UBE2B: variants seen among roughly 807,000 people sequenced by gnomAD.
UBE2B encodes the protein ubiquitin-conjugating enzyme E2 B.
UBE2B carries 11 observed loss-of-function variants against 24.6 expected under a neutral mutation model. The observed-to-expected ratio is 0.45, with a 90% CI of 0.28 to 0.74. The LOEUF (loss-of-function observed/expected upper bound fraction) is 0.74. UBE2B is among the 30% of genes least tolerant of loss of function. The pLI, the probability that UBE2B is intolerant of heterozygous loss-of-function variation, is 0.13. For missense variants in UBE2B, 78 were observed against 185.6 expected (o/e 0.42, Z 3.37); for synonymous variants, 68 against 62.4 (o/e 1.09, Z -0.42).
intron 4 of UBE2B, among the ~76,000 whole-genome samples, chr5:134,383,596 C>G (rs1484124297): frequency 2.0e-5 from 3 of 147,948 alleles, no homozygotes; most frequent in Non-Finnish European, 3.0e-5. Context: ...GATTCTCTTG[C>G]CTCAGCCTCC....
chr5:134,385,788 T>C (rs1581325603), intron 4 of UBE2B, among the ~76,000 whole-genome samples: 1 of 150,800 alleles, frequency 6.6e-6, no homozygotes, highest in South Asian at 2.1e-4. Flanking sequence ...CTGAGGCAGG[T>C]GGATCACGAG....
chr5:134,373,746 G>A (rs1482958576), intron 1 of UBE2B, among the ~76,000 whole-genome samples: 1 of 152,016 alleles, frequency 6.6e-6, no homozygotes, highest in Non-Finnish European at 1.5e-5. Flanking sequence ...TTGGTTTTTT[G>A]TCCTTGCGGT....
Position 134,374,480 on chromosome 5 carries a change from A to G in UBE2B, c.125+17A>G. Reference sequence around the variant, plus strand: ...TATATTTGGGTGAGTTGAAAGGTTTAACAAATAATAGGTGTGTGCTGAATC... The same window carrying G: ...TATATTTGGGTGAGTTGAAAGGTTTGACAAATAATAGGTGTGTGCTGAATC... On this transcript the variant is annotated intron_variant, in intron 2 of 5. Coordinates refer to ENST00000265339, the MANE Select transcript of UBE2B (RefSeq NM_003337.4). 6.4e-7 allele frequency: 1 copy of G among 1,551,494 alleles called. No individual in the cohort carries two copies. The highest frequency in any genetic ancestry group is 8.7e-7 in the Non-Finnish European group (1 of 1,146,628).
intron 5 of UBE2B, among the ~76,000 whole-genome samples, chr5:134,389,551 C>CT (rs985767264): frequency 0.031 from 4,381 of 139,416 alleles, 205 homozygotes; most frequent in African/African-American, 0.1. Flanking sequence ...TTTCTTTTTT[C>CT]TTTTTTTTTT....
intron 1 of UBE2B, among the ~76,000 whole-genome samples, chr5:134,372,323 G>A (rs957156042): frequency 6.6e-6 from 1 of 152,178 alleles, no homozygotes. Flanking sequence ...ATAGCCTCCC[G>A]AGTCTGGAAA....
chr5:134,376,364 T>TATATATATATACAC (rs70976528), intron 2 of UBE2B, among the ~76,000 whole-genome samples: 1 of 79,504 alleles, frequency 1.3e-5, no homozygotes, highest in African/African-American at 5.2e-5. Flanking sequence ...TATATATATA[T>TATATATATATACAC]ACACATATGT....
chr5:134,380,692 A>C (rs1224597592), intron 3 of UBE2B, 27 bp from the exon 4 acceptor site: 2 of 1,321,276 alleles, frequency 1.5e-6, no homozygotes, highest in Non-Finnish European at 2.2e-6. Context: ...GCTTGTCTTT[A>C]CTATAATTAT....
chr5:134,375,279 A>G lies in UBE2B; in HGVS notation c.125+816A>G, dbSNP rs35107813. Among the ~76,000 whole-genome samples the G allele has an allele frequency of 9.5e-3, 1,451 of 152,270 alleles. 13 individuals are homozygous for G. The highest frequency in any genetic ancestry group is 0.031 in the African/African-American group (1,287 of 41,548). On this transcript the variant is annotated intron_variant, in intron 2 of 5. Transcript: ENST00000265339. ...CAGTTGTAAATTTTACCTACTATGT[A>G]TATTGCGTATATGCTTTTTAATTTA...
In UBE2B at chr5:134,374,410, C is replaced by T. The variant is rs1441327294; in HGVS notation, c.72C>T (p.Val24=). ...KRLQEDPPVG[V]SGAPSENNIM... Reference sequence around the variant, plus strand: ...TACAAGAGGACCCACCTGTGGGTGTCAGTGGCGCACCATCTGAAAACAACA... The same window carrying T: ...TACAAGAGGACCCACCTGTGGGTGTTAGTGGCGCACCATCTGAAAACAACA... Residue 24 remains valine, a synonymous_variant, in exon 2 of 6, where the codon GTC becomes GTT. Coordinates refer to ENST00000265339, the MANE Select transcript of UBE2B (RefSeq NM_003337.4). 6.4e-7 allele frequency: 1 copy of T among 1,556,468 alleles called. No homozygotes were observed. Among genetic ancestry groups the T allele is most frequent in the Non-Finnish European group, 8.7e-7 (1 of 1,149,038 alleles).
chr5:134,383,317 T>C (rs183328906), intron 4 of UBE2B, among the ~76,000 whole-genome samples: 213 of 152,216 alleles, frequency 1.4e-3, no homozygotes, highest in African/African-American at 4.9e-3. Flanking sequence ...CTTAAAAATT[T>C]TTTTGTTGTT....
At chr5:134,373,483 T>C (rs328044) in intron 1 of UBE2B, among the ~76,000 whole-genome samples, 1 of 152,148 alleles carries the variant, frequency 6.6e-6, no homozygotes, top group Non-Finnish European at 1.5e-5. Flanking sequence ...TCTTTTTTTT[T>C]AAATATATTT....
chr5:134,380,990 G>T, intron 4 of UBE2B, among the ~76,000 whole-genome samples, 182 bp downstream of exon 4: 1 of 98,294 alleles, frequency 1.0e-5, no homozygotes. Context: ...TTTTTGAGAC[G>T]GAGTCTCGCT....
intron 2 of UBE2B, 165 bp downstream of exon 2, chr5:134,374,628 C>G: frequency 3.8e-6 from 3 of 789,070 alleles, no homozygotes; most frequent in Non-Finnish European, 6.1e-6. Flanking sequence ...GAGTTTTGGC[C>G]CAGCACAGTA....
At chr5:134,383,754 C>T (rs1758752858) in intron 4 of UBE2B, among the ~76,000 whole-genome samples, 1 of 152,066 alleles carries the variant, frequency 6.6e-6, no homozygotes, top group Admixed American at 6.6e-5. Context: ...GCCACCGTGC[C>T]CGGCCTCAAA....
chr5:134,381,839 G>A (rs1472390277), intron 4 of UBE2B, among the ~76,000 whole-genome samples: 1 of 152,212 alleles, frequency 6.6e-6, no homozygotes, highest in Non-Finnish European at 1.5e-5. Context: ...AGCTACTCAG[G>A]AGGCTGAGAC....
chr5:134,383,203 A>C (rs1488318121), intron 4 of UBE2B, among the ~76,000 whole-genome samples: 1 of 152,126 alleles, frequency 6.6e-6, no homozygotes. Context: ...TTAATGGCAA[A>C]ATGTTCTGTT....
chr5:134,372,269 G>A (rs1758471489), intron 1 of UBE2B, among the ~76,000 whole-genome samples: 1 of 152,190 alleles, frequency 6.6e-6, no homozygotes, highest in African/African-American at 2.4e-5. Context: ...GGCTGCCAGT[G>A]CTTTCTGGAA....
At chr5:134,382,325 C>G (rs1758721723) in intron 4 of UBE2B, among the ~76,000 whole-genome samples, 2 of 151,892 alleles carry the variant, frequency 1.3e-5, no homozygotes, top group African/African-American at 4.8e-5. Flanking sequence ...TGGTGGCGCA[C>G]ACCTGTAGTC....
intron 4 of UBE2B, among the ~76,000 whole-genome samples, chr5:134,384,471 A>G (rs953863525): frequency 2.6e-5 from 4 of 151,616 alleles, no homozygotes; most frequent in African/African-American, 9.7e-5. Context: ...TAGACTTGTT[A>G]TTGAGTCAAA....
Sources: allele counts gnomAD v4.1 joint callset (sites outside exome capture counted in the v4.1 genomes callset), GRCh38; gene constraint gnomAD v4.1.1; transcripts MANE v1.5; gene names NCBI Gene and HGNC (gene_info 2026-07-23, HGNC 2026-07-21).